Variants in ESYT2 observed in about 807,000 individuals in gnomAD.
ESYT2 encodes the protein extended synaptotagmin-2.
A neutral mutation model predicts 107.2 loss-of-function variants in ESYT2; 54 were observed. The observed-to-expected ratio is 0.50, with a 90% CI of 0.40 to 0.63. ESYT2 has a LOEUF of 0.63. Ranked by LOEUF, ESYT2 falls within the 30% of genes least tolerant of loss-of-function variation. ESYT2 has a pLI of 0.00. For synonymous variants in ESYT2, 491 were observed against 434.1 expected (o/e 1.13, Z -1.63); for missense variants, 1,020 against 1,094.5 (o/e 0.93, Z 0.96).
intron 6 of ESYT2, among the ~76,000 whole-genome samples, chr7:158,782,721 T>G (rs1194632807): frequency 2.6e-5 from 4 of 152,060 alleles, no homozygotes; most frequent in African/African-American, 9.7e-5. Flanking sequence ...AGAACAAGTG[T>G]GAGAATGAGT....
chr7:158,826,558 C>G (rs1840452599), intron 1 of ESYT2, among the ~76,000 whole-genome samples: 1 of 151,384 alleles, frequency 6.6e-6, no homozygotes, highest in South Asian at 2.1e-4. Context: ...CGCAGTGGCT[C>G]ACACCTGTAA....
At chr7:158,791,493 G>GA (rs1336729487) in intron 4 of ESYT2, among the ~76,000 whole-genome samples, 2 of 152,194 alleles carry the variant, frequency 1.3e-5, no homozygotes, top group East Asian at 3.8e-4. Flanking sequence ...AGGTTTTGAG[G>GA]AACTGTTTCC....
chr7:158,758,595 G>A (rs973119655), intron 13 of ESYT2, among the ~76,000 whole-genome samples: 3 of 152,182 alleles, frequency 2.0e-5, no homozygotes, highest in African/African-American at 7.2e-5. Context: ...ATTATGCAAT[G>A]AACAACTTGG....
At chr7:158,762,251 C>T (rs1036206449) in intron 10 of ESYT2, among the ~76,000 whole-genome samples, 2 of 152,150 alleles carry the variant, frequency 1.3e-5, no homozygotes, top group African/African-American at 4.8e-5. Flanking sequence ...TCTCTCTGTC[C>T]TGGTCTATGA....
At chr7:158,823,623 G>A (rs1185677185) in intron 1 of ESYT2, among the ~76,000 whole-genome samples, 1 of 152,076 alleles carries the variant, frequency 6.6e-6, no homozygotes, top group Non-Finnish European at 1.5e-5. Context: ...ACCGCACCCA[G>A]CCCTGATGTC....
intron 6 of ESYT2, among the ~76,000 whole-genome samples, chr7:158,776,488 G>A (rs767217080): frequency 1.3e-5 from 2 of 152,206 alleles, no homozygotes; most frequent in Non-Finnish European, 2.9e-5. Context: ...GCACTTTTAT[G>A]TTATGGAGAT....
chr7:158,742,915 C>T (rs1002346913), intron 17 of ESYT2, among the ~76,000 whole-genome samples: 9 of 152,120 alleles, frequency 5.9e-5, no homozygotes, highest in African/African-American at 1.7e-4. Flanking sequence ...CAGTCTCTGC[C>T]GGGGCAAGGA....
chr7:158,752,582 T>C (rs1837620676), intron 14 of ESYT2, among the ~76,000 whole-genome samples, 199 bp downstream of exon 14: 1 of 152,244 alleles, frequency 6.6e-6, no homozygotes, highest in African/African-American at 2.4e-5. Context: ...ATACTAGTAC[T>C]TTATAAAATT....
intron 6 of ESYT2, among the ~76,000 whole-genome samples, chr7:158,779,977 G>C (rs1838714959): frequency 6.6e-6 from 1 of 152,196 alleles, no homozygotes. Context: ...AAGGGCAATA[G>C]GGGCCCCAGC....
Position 158,781,900 on chromosome 7 carries a change from TGA to T in ESYT2, c.747+6102_747+6103del, listed in dbSNP as rs1418289390. Among the ~76,000 whole-genome samples the T allele has an allele frequency of 8.5e-3, 1,208 of 141,756 alleles. 36 individuals are homozygous for T. Among genetic ancestry groups the T allele is most frequent in the Non-Finnish European group, 0.013 (882 of 65,742 alleles). 93.0% of individuals were successfully genotyped at this position (141,756 alleles called of 152,430 possible). A position where few individuals can be genotyped will look rare whatever the true frequency, so the allele number is the denominator to read the frequency against. ...GAACAAGTAAGAACGAGAACAAGTG[TGA>T]GTGAACGACAGAACAAAGTGTGAAA... is the stretch of plus-strand genomic sequence containing the variant. On this transcript the variant is annotated intron_variant, in intron 6 of 22. Transcript: ENST00000275418.
In ESYT2 at chr7:158,733,883, T is replaced by G; in HGVS notation, c.*324A>C. 1 of 288,050 alleles carries G rather than the reference T, an allele frequency of 3.5e-6. No individual in the cohort carries two copies. The highest frequency in any genetic ancestry group is 4.8e-5 in the Admixed American group (1 of 20,732). The allele number at this position is 288,050 out of a possible 1,614,324, so 17.8% of individuals were successfully genotyped here. A position where few individuals can be genotyped will look rare whatever the true frequency, so the allele number is the denominator to read the frequency against. On this transcript the variant is annotated 3_prime_UTR_variant, in exon 23 of 23. Coordinates refer to ENST00000275418, the MANE Select transcript of ESYT2 (RefSeq NM_001367773.1). ...ATTTACATGGCATAGTATACCTCAG[T>G]GATATATAAACAAGGCCATAATAAA...
intron 20 of ESYT2, among the ~76,000 whole-genome samples, chr7:158,736,117 C>T (rs1396454258): frequency 1.3e-5 from 2 of 152,200 alleles, no homozygotes; most frequent in South Asian, 2.1e-4. Context: ...GCCTGCAGGG[C>T]GTCTCTCCTC....
intron 7 of ESYT2, among the ~76,000 whole-genome samples, chr7:158,773,098 A>C (rs1838432778): frequency 6.6e-6 from 1 of 152,156 alleles, no homozygotes; most frequent in Non-Finnish European, 1.5e-5. Flanking sequence ...AACGCAAATG[A>C]AGACTGCGTC....
intron 7 of ESYT2, among the ~76,000 whole-genome samples, chr7:158,770,252 T>C (rs1392652374): frequency 6.6e-5 from 10 of 152,098 alleles, no homozygotes; most frequent in African/African-American, 1.9e-4. Flanking sequence ...ATTTATCTGA[T>C]AGAAAGACTG....
intron 8 of ESYT2, among the ~76,000 whole-genome samples, chr7:158,765,153 C>G (rs1428021477): frequency 2.6e-5 from 4 of 152,022 alleles, no homozygotes; most frequent in African/African-American, 9.7e-5. Context: ...GACAGCCCCA[C>G]GCAGCCCCAG....
Position 158,732,708 on chromosome 7 carries a change from T to C in ESYT2, c.*1499A>G, listed in dbSNP as rs966758246. On this transcript the variant is annotated 3_prime_UTR_variant, in exon 23 of 23. Coordinates refer to ENST00000275418, the MANE Select transcript of ESYT2 (RefSeq NM_001367773.1). Reference sequence around the variant, plus strand: ...GCCCCGTCACAGGCACTTTGGTTTGTTTGGTCATGTGAGTTACCCACAAGT... The same window carrying C: ...GCCCCGTCACAGGCACTTTGGTTTGCTTGGTCATGTGAGTTACCCACAAGT... The C allele has an allele frequency of 6.6e-6, 1 of 152,632 alleles. No individual in the cohort carries two copies. Among genetic ancestry groups the C allele is most frequent in the Non-Finnish European group, 1.5e-5 (1 of 68,040 alleles). The allele number at this position is 152,632 out of a possible 1,614,324, so 9.5% of individuals were successfully genotyped here. A position where few individuals can be genotyped will look rare whatever the true frequency, so the allele number is the denominator to read the frequency against.
intron 19 of ESYT2, among the ~76,000 whole-genome samples, chr7:158,738,029 G>A (rs372827648): frequency 6.6e-5 from 10 of 152,174 alleles, no homozygotes; most frequent in African/African-American, 2.4e-4. Context: ...TGCTTTGGGA[G>A]GCCAGGAATT....
At position 158,803,947 on chromosome 7, in the gene ESYT2, CGTCG is replaced by C. The variant is rs1839726718; in HGVS notation, c.331-4879_331-4876del. ...GGTGAGGCGCGCGACAAACCCAAAC[CGTCG>C]AGAAGGGTGAGGCGCGCGACAAACC... On this transcript the variant is annotated intron_variant, in intron 1 of 22. Coordinates refer to ENST00000275418, the MANE Select transcript of ESYT2 (RefSeq NM_001367773.1). Among the ~76,000 whole-genome samples, 5 of 3,688 alleles carry C rather than the reference CGTCG, an allele frequency of 1.4e-3. 2 individuals carry two copies. The highest frequency in any genetic ancestry group is 3.8e-3 in the African/African-American group (5 of 1,324). 2.4% of individuals were successfully genotyped at this position (3,688 alleles called of 152,430 possible).
Position 158,800,719 on chromosome 7 carries a change from TTTTTC to T in ESYT2, c.331-1652_331-1648del, listed in dbSNP as rs1247636201. ...TTTTTTTAAATAGGTTTCTTTTTCT[TTTTTC>T]TTTTCTTTTCTTTTTTTTTTTTGAG... On this transcript the variant is annotated intron_variant, in intron 1 of 22. Coordinates refer to ENST00000275418, the MANE Select transcript of ESYT2 (RefSeq NM_001367773.1). Among the ~76,000 whole-genome samples the T allele has an allele frequency of 3.5e-3, 520 of 147,788 alleles. 4 individuals carry two copies. Among genetic ancestry groups the T allele is most frequent in the Admixed American group, 6.9e-3 (103 of 14,916 alleles).
Sources: gnomAD v4.1 joint callset for allele counts (sites outside exome capture counted in the v4.1 genomes callset) on GRCh38, gnomAD v4.1.1 for gene constraint, MANE v1.5 for transcripts, NCBI Gene and HGNC (gene_info 2026-07-23, HGNC 2026-07-21) for gene names.